ANO10: variants seen among roughly 807,000 people sequenced by gnomAD.
ANO10 encodes anoctamin 10.
A neutral mutation model predicts 74.7 loss-of-function variants in ANO10; 77 were observed. That is an observed-to-expected ratio of 1.03 (90% CI 0.86 to 1.25). The LOEUF (loss-of-function observed/expected upper bound fraction) is 1.25. Among genes scored for constraint, ANO10 ranks in the 50% most tolerant of loss-of-function variants. The probability of loss-of-function intolerance (pLI) is 0.00; values close to 1 mark genes in which losing one functional copy is unlikely to be tolerated. For synonymous variants in ANO10, 279 were observed against 284.9 expected, an observed-to-expected ratio of 0.98 and a Z score of 0.21; for missense variants, 721 against 778.1, an observed-to-expected ratio of 0.93 and a Z score of 0.87.
At chr3:43,459,234 T>C (rs2075275736) in intron 11 of ANO10, among the ~76,000 whole-genome samples, 1 of 152,100 alleles carries the variant, frequency 6.6e-6, no homozygotes, top group Non-Finnish European at 1.5e-5. Context: ...TCTTTTGTTC[T>C]CTTCTTTCGG....
chr3:43,397,824 T>C (rs996234999), intron 12 of ANO10, among the ~76,000 whole-genome samples: 5 of 152,190 alleles, frequency 3.3e-5, no homozygotes, highest in African/African-American at 7.2e-5. Context: ...GGGGCGAATG[T>C]AGAACTCAAA....
chr3:43,628,306 A>G (rs909260558), intron 1 of ANO10, among the ~76,000 whole-genome samples: 12 of 152,184 alleles, frequency 7.9e-5, no homozygotes, highest in Non-Finnish European at 1.6e-4. Flanking sequence ...CTTTACTGCA[A>G]TCTGTAAACA....
intron 8 of ANO10, among the ~76,000 whole-genome samples, chr3:43,562,542 G>A (rs897812283): frequency 2.0e-4 from 29 of 146,780 alleles, no homozygotes; most frequent in African/African-American, 5.6e-4. Flanking sequence ...TTAGCCAGGC[G>A]TGGTGGCGCA....
intron 11 of ANO10, among the ~76,000 whole-genome samples, chr3:43,519,354 C>A (rs1388051081): frequency 6.6e-6 from 1 of 152,160 alleles, no homozygotes; most frequent in African/African-American, 2.4e-5. Flanking sequence ...TACAAACTCA[C>A]CGCTGGAGCA....
At chr3:43,528,090 C>T (rs1366719840) in intron 11 of ANO10, among the ~76,000 whole-genome samples, 1 of 151,992 alleles carries the variant, frequency 6.6e-6, no homozygotes, top group East Asian at 1.9e-4. Flanking sequence ...TTTTACTATA[C>T]CAGCAGAAAA....
intron 1 of ANO10, among the ~76,000 whole-genome samples, chr3:43,643,840 C>T (rs1184323826): frequency 1.3e-5 from 2 of 151,660 alleles, no homozygotes; most frequent in African/African-American, 4.9e-5. Flanking sequence ...CCCGCCACCA[C>T]GCCCAGCTAA....
intron 1 of ANO10, among the ~76,000 whole-genome samples, chr3:43,634,262 G>T (rs1386055587): frequency 6.6e-6 from 1 of 151,952 alleles, no homozygotes; most frequent in African/African-American, 2.4e-5. Context: ...CTTAGTAAGA[G>T]AACGATTGCT....
At chr3:43,534,936 CAG>C (rs2078638748) in intron 11 of ANO10, among the ~76,000 whole-genome samples, 1 of 152,028 alleles carries the variant, frequency 6.6e-6, no homozygotes, top group Non-Finnish European at 1.5e-5. Context: ...TAAGCACACT[CAG>C]AGCTCTGCTA....
intron 9 of ANO10, among the ~76,000 whole-genome samples, chr3:43,560,540 C>T (rs2079978945): frequency 6.6e-6 from 1 of 152,048 alleles, no homozygotes; most frequent in African/African-American, 2.4e-5. Context: ...AGAAAGAATA[C>T]TGTAGCAACA....
intron 11 of ANO10, among the ~76,000 whole-genome samples, chr3:43,435,570 T>C (rs555837972): frequency 6.6e-6 from 1 of 151,870 alleles, no homozygotes; most frequent in South Asian, 2.1e-4. Flanking sequence ...TCTGCAAATA[T>C]GTGGAAAGTA....
intron 7 of ANO10, among the ~76,000 whole-genome samples, chr3:43,567,783 C>G (rs1470667209): frequency 6.6e-6 from 1 of 151,712 alleles, no homozygotes; most frequent in African/African-American, 2.4e-5. Flanking sequence ...AACTAACGAG[C>G]AAACTAACCA....
intron 11 of ANO10, among the ~76,000 whole-genome samples, chr3:43,527,464 A>G (rs1026152585): frequency 1.3e-5 from 2 of 152,170 alleles, no homozygotes; most frequent in Non-Finnish European, 2.9e-5. Flanking sequence ...TTTTTTCTAG[A>G]TATAATAACA....
intron 12 of ANO10, among the ~76,000 whole-genome samples, chr3:43,427,627 C>A (rs1421283416): frequency 6.6e-6 from 1 of 152,184 alleles, no homozygotes; most frequent in Non-Finnish European, 1.5e-5. Flanking sequence ...AACTCAATTT[C>A]TGATCTGGTC....
chr3:43,481,918 T>C (rs1282425358), intron 11 of ANO10, among the ~76,000 whole-genome samples: 1 of 143,518 alleles, frequency 7.0e-6, no homozygotes, highest in African/African-American at 2.6e-5. Flanking sequence ...GTCTTTTTTC[T>C]TTTTTTTTCT....
intron 12 of ANO10, among the ~76,000 whole-genome samples, chr3:43,421,124 G>A (rs2092813714): frequency 6.6e-6 from 1 of 152,194 alleles, no homozygotes; most frequent in Admixed American, 6.5e-5. Flanking sequence ...TCGGGAGGCT[G>A]AGGTGGGAGA....
At chr3:43,646,073 G>A (rs578237935) in intron 1 of ANO10, among the ~76,000 whole-genome samples, 105 of 152,340 alleles carry the variant, frequency 6.9e-4, no homozygotes, top group African/African-American at 2.5e-3. Flanking sequence ...CTCCCAAAGT[G>A]TTGGGATTAC....
At chr3:43,650,798 TTG>T (rs2083778829) in intron 1 of ANO10, among the ~76,000 whole-genome samples, 1 of 152,216 alleles carries the variant, frequency 6.6e-6, no homozygotes, top group Non-Finnish European at 1.5e-5. Flanking sequence ...GTCTGATAAA[TTG>T]TGTGTTGTAC....
At chr3:43,574,982 T>C in intron 6 of ANO10, 118 bp from the exon 7 acceptor site, 2 of 785,994 alleles carry the variant, frequency 2.5e-6, no homozygotes, top group Admixed American at 1.9e-5. Flanking sequence ...CCTCAGTCAG[T>C]AAATGTACTA....
chr3:43,571,506 G>T (rs1167091297), intron 7 of ANO10, among the ~76,000 whole-genome samples: 2,853 of 152,014 alleles, frequency 0.019, 76 homozygotes, highest in African/African-American at 0.064. Context: ...TACGCAGCCA[G>T]AAAAAATGAT....
Sources: allele counts gnomAD v4.1 joint callset (sites outside exome capture counted in the v4.1 genomes callset), GRCh38; gene constraint gnomAD v4.1.1; transcripts MANE v1.5; gene names NCBI Gene and HGNC (gene_info 2026-07-23, HGNC 2026-07-21).